CAMSAP1: variants seen among roughly 807,000 people sequenced by gnomAD.
CAMSAP1 encodes calmodulin-regulated spectrin-associated protein 1.
Under a neutral mutation model 143.5 loss-of-function variants are expected in CAMSAP1, and 58 were observed. The observed-to-expected ratio is 0.40, with a 90% CI of 0.33 to 0.50. The LOEUF is 0.50. CAMSAP1 is among the 20% of genes least tolerant of loss of function. The probability of loss-of-function intolerance (pLI) is 0.45; values close to 1 mark genes in which losing one functional copy is unlikely to be tolerated. For synonymous variants in CAMSAP1, 945 were observed against 859.3 expected (o/e 1.10, Z -1.74); for missense variants, 1,969 against 2,115.7 (o/e 0.93, Z 1.36).
chr9:135,821,392 G>T lies in CAMSAP1; in HGVS notation c.3269C>A (p.Ala1090Asp), dbSNP rs1394869372. The T allele has an allele frequency of 2.5e-6, 4 of 1,613,772 alleles. No individual in the cohort carries two copies. Among genetic ancestry groups the T allele is most frequent in the Non-Finnish European group, 3.4e-6 (4 of 1,179,842 alleles). ...ATTCCGGCCTTGACCCAGCCGGGGGGCTTTGCGGTGGCCAGCCACGCCCGT... is the reference window on the plus strand; with the variant it reads ...ATTCCGGCCTTGACCCAGCCGGGGGTCTTTGCGGTGGCCAGCCACGCCCGT... ...SPTGVAGHRK[A>D]PRLGQGRNSR... Residue 1090 changes from alanine to aspartate, a missense_variant, in exon 11 of 17, where the codon GCC (alanine) becomes GAC (aspartate). Ala to Asp is a moderately radical substitution (Grantham distance 126). Coordinates refer to ENST00000389532, the MANE Select transcript of CAMSAP1 (RefSeq NM_015447.4). The surrounding 1 kb of genome is among the most constrained non-coding windows in gnomAD (Gnocchi z 4.6).
At chr9:135,830,302 T>C (rs139930557) in intron 7 of CAMSAP1, among the ~76,000 whole-genome samples, 204 of 152,308 alleles carry the variant, frequency 1.3e-3, no homozygotes, top group Admixed American at 2.6e-3. Context: ...GATTCAACAG[T>C]ATACTGCCTA....
At position 135,821,814 on chromosome 9, in the gene CAMSAP1, G is replaced by C; in HGVS notation, c.2847C>G (p.Asp949Glu). ...GAAAGTCTTCGGTTTTGGAAACAGC[G>C]TCCCCACAGTCCTCCCCGTTGTGCT... is the stretch of plus-strand genomic sequence containing the variant. ...YSQHNGEDCG[D>E]AVSKTEDFLV... is the part of the protein sequence containing the mutation. Residue 949 changes from aspartate to glutamate, a missense_variant, in exon 11 of 17, where the codon GAC (aspartate) becomes GAG (glutamate). By Grantham distance (45) the Asp-to-Glu change is conservative (BLOSUM62 2). This residue lies in a region of CAMSAP1 where 1,390 missense variants were observed against 1,420.8 expected (regional missense o/e 0.98). Transcript: ENST00000389532. This position sits in a 1 kb window ranked among gnomAD's most constrained non-coding sequence, Gnocchi z 4.6. The C allele has an allele frequency of 6.2e-7, 1 of 1,613,950 alleles. No homozygotes were observed. The highest frequency in any genetic ancestry group is 2.2e-5 in the East Asian group (1 of 44,858).
intron 3 of CAMSAP1, 60 bp from the exon 4 acceptor site, chr9:135,866,596 A>C: frequency 1.2e-6 from 1 of 810,140 alleles, no homozygotes; most frequent in Non-Finnish European, 2.1e-6. Flanking sequence ...TTGTATCTCC[A>C]CAATTATCCC....
chr9:135,812,353 C>T (rs940475575), intron 16 of CAMSAP1, among the ~76,000 whole-genome samples: 6 of 152,032 alleles, frequency 3.9e-5, no homozygotes, highest in Admixed American at 6.5e-5. Flanking sequence ...AATGGAGGTC[C>T]GGTACACACT....
intron 7 of CAMSAP1, among the ~76,000 whole-genome samples, chr9:135,830,821 G>T (rs974994222): frequency 6.6e-6 from 1 of 152,160 alleles, no homozygotes; most frequent in Non-Finnish European, 1.5e-5. Flanking sequence ...AAATATTTAA[G>T]ATCAAAATCA....
chr9:135,845,929 T>C (rs1041604434), intron 7 of CAMSAP1, among the ~76,000 whole-genome samples: 1 of 151,926 alleles, frequency 6.6e-6, no homozygotes, highest in African/African-American at 2.4e-5. Flanking sequence ...ATTGTGAAAA[T>C]GGCCATACTT....
rs935571380 is a variant in CAMSAP1, at chr9:135,820,273, T to C, written c.3822+566A>G. ...TATCATCTTAGGAGACGACGATATA[T>C]GGTCTTATCATCTTAGGAGACAACG... is the stretch of plus-strand genomic sequence containing the variant. On this transcript the variant is annotated intron_variant, in intron 11 of 16. Transcript: ENST00000389532. This position sits in a 1 kb window ranked among gnomAD's most constrained non-coding sequence, Gnocchi z 4.4. 1.3e-5 allele frequency among the ~76,000 whole-genome samples: 2 copies of C among 152,204 alleles called. No homozygotes were observed. Among genetic ancestry groups the C allele is most frequent in the Non-Finnish European group, 2.9e-5 (2 of 68,016 alleles).
At chr9:135,884,029 C>T (rs891956963) in intron 1 of CAMSAP1, among the ~76,000 whole-genome samples, 1 of 152,212 alleles carries the variant, frequency 6.6e-6, no homozygotes, top group Admixed American at 6.5e-5. Flanking sequence ...AAGACATCAA[C>T]GGCTGTCCCA....
chr9:135,866,970 T>C (rs560320383), intron 3 of CAMSAP1, among the ~76,000 whole-genome samples: 5 of 152,340 alleles, frequency 3.3e-5, no homozygotes, highest in African/African-American at 7.2e-5. Flanking sequence ...GCAAAAATCA[T>C]ACCAAACCAA....
chr9:135,907,524 G>GGCCAAGGAGCGGGA lies in CAMSAP1; in HGVS notation c.-379_-366dup, dbSNP rs1838826517. ...CGGCGGCGACAGCGGCTGAGGCGGTGGCCAAGGAGCGGGAGCGCGCTCACC... is the reference window on the plus strand; with the variant it reads ...CGGCGGCGACAGCGGCTGAGGCGGTGGCCAAGGAGCGGGAGCCAAGGAGCGGGAGCGCGCTCACC... On this transcript the variant is annotated 5_prime_UTR_variant, in exon 1 of 17. Coordinates refer to ENST00000389532, the MANE Select transcript of CAMSAP1 (RefSeq NM_015447.4). Among the ~76,000 whole-genome samples, 1 of 149,404 alleles carries GGCCAAGGAGCGGGA rather than the reference G, an allele frequency of 6.7e-6. No homozygotes were observed. The highest frequency in any genetic ancestry group is 2.4e-5 in the African/African-American group (1 of 41,126).
At position 135,818,784 on chromosome 9, in the gene CAMSAP1, G is replaced by A; in HGVS notation, c.3960-168C>T. On this transcript the variant is annotated intron_variant, in intron 12 of 16. Coordinates refer to ENST00000389532, the MANE Select transcript of CAMSAP1 (RefSeq NM_015447.4). The surrounding 1 kb of genome is among the most constrained non-coding windows in gnomAD (Gnocchi z 7.7). ...CAGAGGCTGCAAAGGCAGTCCTGCA[G>A]ATGACCCACCGAGGCCACACAGCCT... The A allele has an allele frequency of 9.4e-7, 1 of 1,066,262 alleles. No individual in the cohort carries two copies. Among genetic ancestry groups the A allele is most frequent in the Non-Finnish European group, 1.3e-6 (1 of 754,758 alleles). 66.1% of individuals were successfully genotyped at this position (1,066,262 alleles called of 1,614,324 possible). A position where few individuals can be genotyped will look rare whatever the true frequency, so the allele number is the denominator to read the frequency against.
intron 1 of CAMSAP1, among the ~76,000 whole-genome samples, chr9:135,888,070 G>A (rs1838180996): frequency 6.6e-6 from 1 of 152,064 alleles, no homozygotes; most frequent in African/African-American, 2.4e-5. Context: ...GAGTTGGAGC[G>A]CTGGGGTCTC....
chr9:135,816,039 G>A, intron 14 of CAMSAP1, 34 bp from the exon 15 acceptor site: 1 of 1,597,320 alleles, frequency 6.3e-7, no homozygotes, highest in Non-Finnish European at 8.6e-7. Context: ...ACAGGCAGGT[G>A]AAGCGCTGGC....
chr9:135,859,604 G>A (rs1041928362), intron 5 of CAMSAP1, among the ~76,000 whole-genome samples: 4 of 151,958 alleles, frequency 2.6e-5, no homozygotes, highest in African/African-American at 7.3e-5. Context: ...ATGTTAGCCA[G>A]GATGGTCTTG....
At chr9:135,860,219 A>G (rs1837133487) in intron 5 of CAMSAP1, among the ~76,000 whole-genome samples, 1 of 151,898 alleles carries the variant, frequency 6.6e-6, no homozygotes, top group Non-Finnish European at 1.5e-5. Flanking sequence ...TGACAGAGTG[A>G]GACCTTGTCT....
rs1479953648 is a variant in CAMSAP1 at position 135,869,947 on chromosome 9, T to C, written c.586-3411A>G. The stretch of plus-strand genomic sequence containing the variant: ...GCACGGAAGATCACATACTGTATGA[T>C]ACCATTCATAAAAACTGTCCAGACT... On this transcript the variant is annotated intron_variant, in intron 3 of 16. Coordinates refer to ENST00000389532, the MANE Select transcript of CAMSAP1 (RefSeq NM_015447.4). Among the ~76,000 whole-genome samples the C allele has an allele frequency of 4.6e-5, 7 of 152,196 alleles. No homozygotes were observed. In the South Asian group the frequency reaches 1.2e-3, roughly 27 times the overall value.
Position 135,883,326 on chromosome 9 carries a change from T to A in CAMSAP1, c.161-248A>T, listed in dbSNP as rs535905568. ...GGCAACTAACTGTAGCATCTCAGAC[T>A]ACTCTGTGAACACAGACAACTGAAA... On this transcript the variant is annotated intron_variant, in intron 1 of 16. Transcript: ENST00000389532. Among the ~76,000 whole-genome samples the A allele has an allele frequency of 3.3e-5, 5 of 152,374 alleles. No homozygotes were observed. In the East Asian group the frequency reaches 7.7e-4, roughly 23 times the overall value.
chr9:135,813,535 T>C (rs1835126061), intron 16 of CAMSAP1, among the ~76,000 whole-genome samples: 2 of 152,152 alleles, frequency 1.3e-5, no homozygotes, highest in South Asian at 4.1e-4. Flanking sequence ...AGCGGGACTG[T>C]GGGGAGTGGG....
Position 135,818,279 on chromosome 9 carries a change from A to T in CAMSAP1, c.4168+129T>A. 8.8e-7 allele frequency: 1 copy of T among 1,140,338 alleles called. No homozygotes were observed. The allele number at this position is 1,140,338 out of a possible 1,614,324, so 70.6% of individuals were successfully genotyped here. A position where few individuals can be genotyped will look rare whatever the true frequency, so the allele number is the denominator to read the frequency against. ...TGGTCTCAACATTGTCATCCATGAA[A>T]CGGGGATAATCATCTCCACCCTTCC... On this transcript the variant is annotated intron_variant, in intron 13 of 16. Transcript: ENST00000389532. The surrounding 1 kb of genome is among the most constrained non-coding windows in gnomAD (Gnocchi z 7.7).
Sources: gnomAD v4.1 joint callset for allele counts (sites outside exome capture counted in the v4.1 genomes callset) on GRCh38, gnomAD v4.1.1 for gene constraint, gnomAD v4.1.1 regional missense constraint, Gnocchi (gnomAD v3.1) non-coding constraint, MANE v1.5 for transcripts, NCBI Gene and HGNC (gene_info 2026-07-23, HGNC 2026-07-21) for gene names.